Variants in LAMA2 observed in about 807,000 individuals in gnomAD.
LAMA2 encodes laminin subunit alpha 2, also known as laminin subunit alpha-2.
Under a neutral mutation model 364.8 loss-of-function variants are expected in LAMA2, and 269 were observed. The ratio of observed to expected loss-of-function variants is 0.74; its 90% CI spans 0.67 to 0.82. The LOEUF (loss-of-function observed/expected upper bound fraction) is 0.82, where lower values mean the gene tolerates loss of function less well. LAMA2 is among the 40% of genes least tolerant of loss of function. The pLI, the probability that LAMA2 is intolerant of heterozygous loss-of-function variation, is 0.00. For synonymous variants in LAMA2, 1,379 were observed against 1,370.6 expected (o/e 1.01, Z -0.14); for missense variants, 3,807 against 3,873.2 (o/e 0.98, Z 0.45).
chr6:129,236,989 A>AT (rs1785039771), intron 12 of LAMA2, among the ~76,000 whole-genome samples: 1 of 152,222 alleles, frequency 6.6e-6, no homozygotes, highest in Non-Finnish European at 1.5e-5. Context: ...CATTGACTCT[A>AT]GTACTAGACT....
In LAMA2 at chr6:129,177,920, T is replaced by G. The variant is rs188881786; in HGVS notation, c.1467+54T>G. The G allele has an allele frequency of 2.4e-5, 37 of 1,557,250 alleles. No homozygotes were observed. In the East Asian group the frequency reaches 5.4e-4, roughly 23 times the overall value. The stretch of plus-strand genomic sequence containing the variant: ...CTGTCAAGACAGAAGGTTATTTTTC[T>G]TGGCTTCTCTGTTGATTTCCTTGGC... On this transcript the variant is annotated intron_variant, in intron 10 of 64. Coordinates refer to ENST00000421865, the MANE Select transcript of LAMA2 (RefSeq NM_000426.4).
chr6:129,256,857 C>T (rs1053696084), intron 14 of LAMA2, among the ~76,000 whole-genome samples: 1 of 140,126 alleles, frequency 7.1e-6, no homozygotes, highest in Non-Finnish European at 1.5e-5. Flanking sequence ...TTTAAAGTGT[C>T]ATGTTTTGTG....
At chr6:129,304,286 A>G (rs1773730346) in intron 22 of LAMA2, among the ~76,000 whole-genome samples, 1 of 151,818 alleles carries the variant, frequency 6.6e-6, no homozygotes, top group South Asian at 2.1e-4. Context: ...TGTTTTTGAG[A>G]CGGAGTCTTG....
At chr6:129,515,722 C>T (rs1181465882) in intron 64 of LAMA2, among the ~76,000 whole-genome samples, 2 of 152,162 alleles carry the variant, frequency 1.3e-5, no homozygotes, top group African/African-American at 4.8e-5. Context: ...TTGTTCATCC[C>T]AAACCAAGTT....
rs139070796 is a variant in LAMA2, at chr6:129,192,716, C to T, written c.1645C>T (p.Pro549Ser). 129 of 1,614,058 alleles carry T rather than the reference C, an allele frequency of 8.0e-5. No individual in the cohort carries two copies. In the African/African-American group the frequency reaches 1.6e-3, roughly 20 times the overall value. The change falls in exon 12 of 65, where the codon CCT becomes TCT. Residue 549 changes from proline to serine, a missense_variant. Physicochemically the swap from Pro to Ser is moderately conservative, Grantham distance 74. This residue lies in a region of LAMA2 where 3,333 missense variants were observed against 3,345.7 expected (regional missense o/e 1.00). Transcript: ENST00000421865. ...GAGTGGCTGGTATCTGACTGACCTT[C>T]CTGGCCGCATTCGAGTGGCTCCCCA... is the stretch of plus-strand genomic sequence containing the variant. ...DMSGWYLTDL[P>S]GRIRVAPQQD...
At chr6:128,967,350 A>G (rs1308662379) in intron 1 of LAMA2, among the ~76,000 whole-genome samples, 1 of 152,242 alleles carries the variant, frequency 6.6e-6, no homozygotes, top group Non-Finnish European at 1.5e-5. Context: ...AAGGCACTAA[A>G]GAAAGACACA....
chr6:129,205,589 C>T (rs917137972), intron 12 of LAMA2, among the ~76,000 whole-genome samples: 1 of 151,274 alleles, frequency 6.6e-6, no homozygotes, highest in African/African-American at 2.4e-5. Flanking sequence ...TTGTAATTGT[C>T]ACCACAAAGC....
intron 1 of LAMA2, among the ~76,000 whole-genome samples, chr6:129,030,455 T>C (rs559466333): frequency 2.2e-4 from 34 of 152,302 alleles, no homozygotes; most frequent in African/African-American, 6.3e-4. Flanking sequence ...TAGAAACACA[T>C]GTTCCGTCTT....
At chr6:129,324,826 T>C (rs1775176527) in intron 28 of LAMA2, among the ~76,000 whole-genome samples, 1 of 152,214 alleles carries the variant, frequency 6.6e-6, no homozygotes, top group Non-Finnish European at 1.5e-5. Flanking sequence ...GTACACATGG[T>C]CCTATCATTG....
intron 4 of LAMA2, among the ~76,000 whole-genome samples, chr6:129,127,092 T>C (rs1357594161): frequency 2.0e-5 from 3 of 152,144 alleles, no homozygotes; most frequent in Non-Finnish European, 4.4e-5. Flanking sequence ...AAATCTGATA[T>C]GATAATTTAG....
At chr6:129,144,553 A>G (rs1313719151) in intron 5 of LAMA2, among the ~76,000 whole-genome samples, 1 of 151,954 alleles carries the variant, frequency 6.6e-6, no homozygotes, top group African/African-American at 2.4e-5. Flanking sequence ...CTTAATGTGT[A>G]TGGGATTAGC....
At chr6:129,112,937 T>G (rs1776241693) in intron 4 of LAMA2, among the ~76,000 whole-genome samples, 1 of 152,132 alleles carries the variant, frequency 6.6e-6, no homozygotes, top group African/African-American at 2.4e-5. Context: ...AAAATTACAT[T>G]TTAAACATAC....
intron 12 of LAMA2, among the ~76,000 whole-genome samples, chr6:129,218,293 A>G (rs1783557336): frequency 6.6e-6 from 1 of 152,134 alleles, no homozygotes. Flanking sequence ...CATTTTACTC[A>G]TCTTGTAGTG....
At chr6:129,402,610 ATATGGCCT>A in intron 39 of LAMA2, 123 bp downstream of exon 39, 1 of 981,232 alleles carries the variant, frequency 1.0e-6, no homozygotes, top group Non-Finnish European at 1.6e-6. Flanking sequence ...CACACTAGCT[ATATGGCCT>A]TTCTGTGGAT....
intron 1 of LAMA2, 48 bp from the exon 2 acceptor site, chr6:129,049,870 C>T (rs768555263): frequency 1.3e-6 from 2 of 1,544,752 alleles, no homozygotes; most frequent in Non-Finnish European, 1.8e-6. Context: ...TATCAAAATC[C>T]TAACTTTGTT....
At chr6:129,103,528 A>G (rs1182055692) in intron 4 of LAMA2, among the ~76,000 whole-genome samples, 1 of 152,094 alleles carries the variant, frequency 6.6e-6, no homozygotes, top group African/African-American at 2.4e-5. Flanking sequence ...TTCAGGTACT[A>G]TTTTGCATTT....
At chr6:129,464,905 C>T (rs771432104) in intron 50 of LAMA2, among the ~76,000 whole-genome samples, 18 of 151,990 alleles carry the variant, frequency 1.2e-4, no homozygotes, top group African/African-American at 2.4e-4. Flanking sequence ...TCACATTTTA[C>T]GACTGTAATA....
At chr6:129,360,247 T>A (rs890900619) in intron 32 of LAMA2, among the ~76,000 whole-genome samples, 1 of 152,174 alleles carries the variant, frequency 6.6e-6, no homozygotes, top group South Asian at 2.1e-4. Context: ...TTACAGAATG[T>A]GAATATTCCA....
chr6:129,507,984 A>AT (rs796775033), intron 62 of LAMA2, among the ~76,000 whole-genome samples: 33 of 81,648 alleles, frequency 4.0e-4, no homozygotes, highest in African/African-American at 1.2e-3. Flanking sequence ...ATGAGATATG[A>AT]TTTTTTTCTT....
Sources: allele counts gnomAD v4.1 joint callset (sites outside exome capture counted in the v4.1 genomes callset), GRCh38; gene constraint gnomAD v4.1.1; regional missense constraint gnomAD v4.1.1; transcripts MANE v1.5; gene names NCBI Gene and HGNC (gene_info 2026-07-23, HGNC 2026-07-21).